Variants in TOP2B observed in about 807,000 individuals in gnomAD.
TOP2B encodes DNA topoisomerase 2-beta.
TOP2B carries 51 observed loss-of-function variants against 193.5 expected under a neutral mutation model. The observed-to-expected ratio is 0.26, with a 90% CI of 0.21 to 0.33. The LOEUF (loss-of-function observed/expected upper bound fraction) is 0.33, where lower values mean the gene tolerates loss of function less well. TOP2B is among the 10% of genes least tolerant of loss of function. The pLI is 1.00. For synonymous variants in TOP2B, 634 were observed against 635.7 expected, an observed-to-expected ratio of 1.00 and a Z score of 0.04; for missense variants, 1,378 against 1,909.3, an observed-to-expected ratio of 0.72 and a Z score of 5.19.
At chr3:25,642,802 A>G (rs546825137) in intron 3 of TOP2B, among the ~76,000 whole-genome samples, 3 of 152,280 alleles carry the variant, frequency 2.0e-5, no homozygotes, top group Admixed American at 1.3e-4. Flanking sequence ...TTGAATAGAA[A>G]CCAGTTCATT....
Position 25,626,624 on chromosome 3 carries a change from G to T in TOP2B, c.2160C>A (p.Ile720=). ...ATKHLTYNDF[I]NKELILFSNS... The stretch of plus-strand genomic sequence containing the variant: ...TTGAGAAGAGAATCAATTCCTTGTT[G>T]ATGAAATCATTATAAGTCAAATGCT... The change falls in exon 18 of 36, where the codon ATC becomes ATA. Residue 720 remains isoleucine, a synonymous_variant. Transcript: ENST00000264331. 6.5e-7 allele frequency: 1 copy of T among 1,539,908 alleles called. No homozygotes were observed. The highest frequency in any genetic ancestry group is 8.7e-7 in the Non-Finnish European group (1 of 1,145,718).
chr3:25,653,583 C>T (rs1703658465), intron 1 of TOP2B, among the ~76,000 whole-genome samples: 2 of 152,022 alleles, frequency 1.3e-5, no homozygotes, highest in African/African-American at 2.4e-5. Context: ...CTGTGTGCCT[C>T]CACACCTGGC....
intron 7 of TOP2B, among the ~76,000 whole-genome samples, chr3:25,635,317 C>A (rs1250676322): frequency 1.3e-5 from 2 of 152,026 alleles, no homozygotes; most frequent in Non-Finnish European, 2.9e-5. Flanking sequence ...TGGTTTTCCA[C>A]AACTTACAGG....
At chr3:25,629,440 T>C (rs938581055) in intron 13 of TOP2B, among the ~76,000 whole-genome samples, 1 of 152,074 alleles carries the variant, frequency 6.6e-6, no homozygotes, top group Non-Finnish European at 1.5e-5. Context: ...AAATAAAACA[T>C]GGTTATAATG....
intron 7 of TOP2B, among the ~76,000 whole-genome samples, chr3:25,635,317 C>T (rs1250676322): frequency 6.6e-6 from 1 of 152,026 alleles, no homozygotes; most frequent in Non-Finnish European, 1.5e-5. Context: ...TGGTTTTCCA[C>T]AACTTACAGG....
intron 2 of TOP2B, among the ~76,000 whole-genome samples, chr3:25,644,442 T>C (rs187120955): frequency 1.2e-4 from 19 of 152,236 alleles, no homozygotes; most frequent in Non-Finnish European, 2.5e-4. Context: ...GGCTCACGCC[T>C]GTAATCCTAG....
At chr3:25,640,677 T>C (rs1360609979) in intron 4 of TOP2B, among the ~76,000 whole-genome samples, 1 of 151,876 alleles carries the variant, frequency 6.6e-6, no homozygotes, top group Non-Finnish European at 1.5e-5. Context: ...AAATCTGTAA[T>C]GAACTGATAA....
At chr3:25,659,518 T>A (rs73153357) in intron 1 of TOP2B, among the ~76,000 whole-genome samples, 20,815 of 152,206 alleles carry the variant, frequency 0.14, 1,661 homozygotes, top group African/African-American at 0.23. Flanking sequence ...AGTATCTCCA[T>A]GAAATAGACA....
intron 1 of TOP2B, among the ~76,000 whole-genome samples, chr3:25,647,753 T>C (rs535979411): frequency 8.5e-5 from 13 of 152,184 alleles, no homozygotes; most frequent in Admixed American, 6.5e-4. Flanking sequence ...AAAAAAAAGT[T>C]TGAAAGCTTG....
At chr3:25,649,012 A>G (rs903106138) in intron 1 of TOP2B, among the ~76,000 whole-genome samples, 14 of 152,266 alleles carry the variant, frequency 9.2e-5, no homozygotes, top group Admixed American at 8.5e-4. Context: ...CAATGCATAA[A>G]CAAAAGGAAA....
intron 10 of TOP2B, among the ~76,000 whole-genome samples, chr3:25,631,563 G>A (rs915187356): frequency 1.3e-5 from 2 of 151,888 alleles, no homozygotes; most frequent in South Asian, 2.1e-4. Context: ...TATCATCCTC[G>A]GTGATTTGAT....
At chr3:25,655,977 C>T (rs930414643) in intron 1 of TOP2B, among the ~76,000 whole-genome samples, 13 of 152,110 alleles carry the variant, frequency 8.5e-5, no homozygotes, top group African/African-American at 2.9e-4. Context: ...TTTAACACTA[C>T]CGAACTCTAC....
At chr3:25,599,135 G>A (rs760805015) in intron 35 of TOP2B, among the ~76,000 whole-genome samples, 1 of 152,064 alleles carries the variant, frequency 6.6e-6, no homozygotes, top group Non-Finnish European at 1.5e-5. Flanking sequence ...ACAGTCTTTA[G>A]TCTGAAAAAT....
intron 1 of TOP2B, among the ~76,000 whole-genome samples, chr3:25,657,009 C>A (rs1442963785): frequency 6.6e-6 from 1 of 152,156 alleles, no homozygotes; most frequent in Non-Finnish European, 1.5e-5. Context: ...TCAAAATACA[C>A]AAATAAGATT....
At chr3:25,599,010 T>C (rs943186258) in intron 35 of TOP2B, among the ~76,000 whole-genome samples, 1 of 151,892 alleles carries the variant, frequency 6.6e-6, no homozygotes, top group African/African-American at 2.4e-5. Flanking sequence ...CTAAAAGAAA[T>C]AGTGTACTTC....
chr3:25,658,626 C>CA (rs1281440489), intron 1 of TOP2B, among the ~76,000 whole-genome samples: 1 of 151,882 alleles, frequency 6.6e-6, no homozygotes, highest in Non-Finnish European at 1.5e-5. Context: ...AAAATTATAA[C>CA]AAAAATACCA....
rs138556997 is a variant in TOP2B at position 25,638,723 on chromosome 3, G to A, written c.396-413C>T. On this transcript the variant is annotated intron_variant, in intron 4 of 35. Transcript: ENST00000264331. ...CACAATTTCAAAAAAAAAAATCAAC[G>A]TTTGGCATCCTTAACATTCTCTAAG... Among the ~76,000 whole-genome samples, 76 of 151,694 alleles carry A rather than the reference G, an allele frequency of 5.0e-4. 1 individual carries two copies. Among genetic ancestry groups the A allele is most frequent in the Admixed American group, 4.2e-3 (64 of 15,236 alleles).
intron 29 of TOP2B, 45 bp downstream of exon 29, chr3:25,609,523 A>G: frequency 6.3e-7 from 1 of 1,578,816 alleles, no homozygotes; most frequent in Non-Finnish European, 8.6e-7. Flanking sequence ...CTCTATACAA[A>G]TATTTTTTCT....
In TOP2B at chr3:25,601,329, G is replaced by C. The variant is rs775037209; in HGVS notation, c.4490-104C>G. The C allele has an allele frequency of 3.6e-6, 5 of 1,390,416 alleles. No individual in the cohort carries two copies. In the South Asian group the frequency reaches 7.5e-5, roughly 21 times the overall value. The allele number at this position is 1,390,416 out of a possible 1,614,324, so 86.1% of individuals were successfully genotyped here. On this transcript the variant is annotated intron_variant, in intron 33 of 35. Transcript: ENST00000264331. ...TTTCTTATAGCTGATTAGAAACTGA[G>C]TTGCCTGGCTGGGCGTGGTGGCTCA...
Sources: allele counts gnomAD v4.1 joint callset (sites outside exome capture counted in the v4.1 genomes callset), GRCh38; gene constraint gnomAD v4.1.1; transcripts MANE v1.5; gene names NCBI Gene and HGNC (gene_info 2026-07-23, HGNC 2026-07-21).